Variants in UPP2 observed in about 807,000 individuals in gnomAD.
UPP2 encodes the protein uridine phosphorylase 2, also known as UPase 2.
A neutral mutation model predicts 26.7 loss-of-function variants in UPP2; 23 were observed. The observed-to-expected ratio is 0.86, with a 90% CI of 0.62 to 1.22. The LOEUF (loss-of-function observed/expected upper bound fraction) is 1.22, where lower values mean the gene tolerates loss of function less well. Ranked by LOEUF, UPP2 falls within the 50% of genes most tolerant of loss-of-function variation. The probability of loss-of-function intolerance (pLI) is 0.00; values close to 1 mark genes in which losing one functional copy is unlikely to be tolerated. For synonymous variants in UPP2, 127 were observed against 141.3 expected (o/e 0.90, Z 0.72); for missense variants, 387 against 396.7 (o/e 0.98, Z 0.21).
At chr2:158,061,385 G>T (rs940140545) in intron 3 of UPP2, among the ~76,000 whole-genome samples, 3 of 152,170 alleles carry the variant, frequency 2.0e-5, no homozygotes, top group African/African-American at 7.2e-5. Context: ...CTGTAGAGAT[G>T]AATTAGCCCA....
At chr2:158,020,654 C>T (rs1334602688) in intron 3 of UPP2, among the ~76,000 whole-genome samples, 2 of 152,184 alleles carry the variant, frequency 1.3e-5, no homozygotes. Context: ...ATCCTCCAGG[C>T]ACAGGGCTGA....
intron 2 of UPP2, among the ~76,000 whole-genome samples, chr2:158,002,042 G>T (rs1683417086): frequency 1.3e-5 from 2 of 151,526 alleles, no homozygotes; most frequent in Admixed American, 1.3e-4. Flanking sequence ...GGAGGCTACG[G>T]GGGCGGGGGC....
At chr2:158,116,657 T>A (rs1240425283) in intron 3 of UPP2, among the ~76,000 whole-genome samples, 1 of 152,330 alleles carries the variant, frequency 6.6e-6, no homozygotes, top group Admixed American at 6.5e-5. Flanking sequence ...ACATAATAAG[T>A]GGCAATCATT....
intron 4 of UPP2, 81 bp from the exon 5 acceptor site, chr2:158,121,328 T>C (rs529004118): frequency 1.6e-6 from 2 of 1,252,550 alleles, no homozygotes; most frequent in South Asian, 2.5e-5. Flanking sequence ...CTAGCATTAA[T>C]ACTAGAATAA....
rs141794444 is a variant in UPP2 at position 158,106,182 on chromosome 2, C to A, written c.146C>A (p.Thr49Lys). ...ILYHLDLGTK[T>K]HNLPAMFGDV... ...TATCACTTGGATTTGGGAACAAAAACACACAACCTACCAGCAATGTTTGGA... is the reference window on the plus strand; with the variant it reads ...TATCACTTGGATTTGGGAACAAAAAAACACAACCTACCAGCAATGTTTGGA... The change falls in exon 2 of 7, where the codon ACA (threonine) becomes AAA (lysine). Residue 49 changes from threonine (T) to lysine (K), a missense_variant. Thr to Lys is a moderately conservative substitution (Grantham distance 78). Coordinates refer to ENST00000005756, the MANE Select transcript of UPP2 (RefSeq NM_173355.4). 1.2e-4 allele frequency: 196 copies of A among 1,612,190 alleles called. No individual in the cohort carries two copies. Among genetic ancestry groups the A allele is most frequent in the Non-Finnish European group, 1.5e-4 (180 of 1,179,406 alleles).
chr2:158,084,780 C>T (rs1279546905), intron 3 of UPP2, among the ~76,000 whole-genome samples: 1 of 151,962 alleles, frequency 6.6e-6, no homozygotes. Context: ...TTTTTGTTTG[C>T]TTTGTTGAAG....
At chr2:158,104,252 T>C (rs1419399085) in intron 1 of UPP2, among the ~76,000 whole-genome samples, 1 of 152,100 alleles carries the variant, frequency 6.6e-6, no homozygotes, top group Non-Finnish European at 1.5e-5. Context: ...AAATTAATAC[T>C]GATCAAGGAG....
chr2:158,037,928 T>C (rs1449419551), intron 3 of UPP2, among the ~76,000 whole-genome samples: 2 of 152,182 alleles, frequency 1.3e-5, no homozygotes, highest in Non-Finnish European at 2.9e-5. Context: ...TGCCAAAGCA[T>C]GTAAAGCAAC....
chr2:158,062,394 A>T (rs1219530590), intron 3 of UPP2, among the ~76,000 whole-genome samples: 3 of 152,200 alleles, frequency 2.0e-5, no homozygotes, highest in African/African-American at 7.2e-5. Context: ...GGAGCCAGGA[A>T]TTCTACCTTC....
At chr2:158,095,296 T>C (rs1333944092) in intron 3 of UPP2, among the ~76,000 whole-genome samples, 2 of 152,226 alleles carry the variant, frequency 1.3e-5, no homozygotes, top group South Asian at 2.1e-4. Flanking sequence ...ATCTTGTTCA[T>C]CAGCATTCAA....
At chr2:158,005,548 T>C (rs1439879580) in intron 2 of UPP2, among the ~76,000 whole-genome samples, 1 of 152,212 alleles carries the variant, frequency 6.6e-6, no homozygotes, top group Non-Finnish European at 1.5e-5. Flanking sequence ...AGCACGAGCT[T>C]GAGCTTAAGG....
At chr2:158,069,415 G>A (rs138630388) in intron 3 of UPP2, among the ~76,000 whole-genome samples, 4 of 152,314 alleles carry the variant, frequency 2.6e-5, no homozygotes, top group Admixed American at 6.5e-5. Context: ...CTCTTGGCAG[G>A]CTCCTGCAGT....
chr2:157,998,555 A>G (rs1035179947), intron 2 of UPP2, among the ~76,000 whole-genome samples: 14 of 152,120 alleles, frequency 9.2e-5, no homozygotes, highest in Non-Finnish European at 1.6e-4. Flanking sequence ...TAATCCCAGC[A>G]TTTTGAGAGG....
intron 2 of UPP2, among the ~76,000 whole-genome samples, chr2:158,014,109 G>C (rs886585203): frequency 2.0e-5 from 3 of 152,148 alleles, no homozygotes; most frequent in Non-Finnish European, 4.4e-5. Context: ...CTGTACATTT[G>C]GCTGCAGCAT....
intron 3 of UPP2, among the ~76,000 whole-genome samples, chr2:158,032,357 G>C (rs7565931): frequency 0.23 from 34,363 of 151,974 alleles, 4,580 homozygotes; most frequent in African/African-American, 0.37. Context: ...CATGGGCTAA[G>C]TTGTGGTGAA....
intron 3 of UPP2, among the ~76,000 whole-genome samples, chr2:158,079,325 A>G (rs923338666): frequency 2.0e-5 from 3 of 152,154 alleles, no homozygotes; most frequent in Non-Finnish European, 4.4e-5. Context: ...CTACTTGTAT[A>G]TGTCCCTGTA....
chr2:158,081,730 A>G (rs1160704539), intron 3 of UPP2, among the ~76,000 whole-genome samples: 1 of 152,098 alleles, frequency 6.6e-6, no homozygotes, highest in African/African-American at 2.4e-5. Context: ...ACATGTTCTC[A>G]CTTATTTTGG....
intron 3 of UPP2, among the ~76,000 whole-genome samples, chr2:158,034,309 C>T (rs1161082900): frequency 1.3e-5 from 2 of 152,164 alleles, no homozygotes; most frequent in South Asian, 2.1e-4. Context: ...CACAGCACTC[C>T]GCAGGGCAGG....
intron 3 of UPP2, among the ~76,000 whole-genome samples, chr2:158,081,642 G>C (rs1316640220): frequency 1.3e-5 from 2 of 152,106 alleles, no homozygotes; most frequent in Non-Finnish European, 2.9e-5. Context: ...GCCATAAAAA[G>C]AATGAAATCC....
Sources: gnomAD v4.1 joint callset for allele counts (sites outside exome capture counted in the v4.1 genomes callset) on GRCh38, gnomAD v4.1.1 for gene constraint, MANE v1.5 for transcripts, NCBI Gene and HGNC (gene_info 2026-07-23, HGNC 2026-07-21) for gene names.